The following FLI1 variants were observed in gnomAD, a reference collection of about 807,000 sequenced individuals.
FLI1 encodes the protein Fli-1 proto-oncogene, ETS transcription factor.
In FLI1, 13 loss-of-function variants were observed where a neutral mutation model predicts 53.1. That is an observed-to-expected ratio of 0.24 (90% CI 0.16 to 0.39). FLI1 has a LOEUF of 0.39. Ranked by LOEUF, FLI1 falls within the 10% of genes least tolerant of loss-of-function variation. The probability of loss-of-function intolerance (pLI) is 1.00; values close to 1 mark genes in which losing one functional copy is unlikely to be tolerated. For missense variants in FLI1, 424 were observed against 600.5 expected (o/e 0.71, Z 3.07); for synonymous variants, 244 against 236.7 (o/e 1.03, Z -0.28).
intron 1 of FLI1, among the ~76,000 whole-genome samples, chr11:128,733,983 G>A (rs1372712204): frequency 6.6e-6 from 1 of 152,238 alleles, no homozygotes; most frequent in East Asian, 1.9e-4. Context: ...TATGACCGGG[G>A]CTTGCTGCTG....
intron 1 of FLI1, among the ~76,000 whole-genome samples, chr11:128,722,219 T>C (rs1229759832): frequency 6.6e-6 from 1 of 152,194 alleles, no homozygotes; most frequent in African/African-American, 2.4e-5. Context: ...ACATTTACTA[T>C]ATGGCTGAGC....
intron 5 of FLI1, among the ~76,000 whole-genome samples, chr11:128,796,230 A>G (rs1324541556): frequency 6.6e-6 from 1 of 152,174 alleles, no homozygotes; most frequent in Non-Finnish European, 1.5e-5. Context: ...ATGCTTGATA[A>G]ATTTTAGGTA....
intron 1 of FLI1, among the ~76,000 whole-genome samples, chr11:128,711,379 C>A (rs1323265790): frequency 6.6e-6 from 1 of 152,194 alleles, no homozygotes; most frequent in Non-Finnish European, 1.5e-5. Flanking sequence ...AACATTAAAG[C>A]AAAGCAAAAT....
At chr11:128,698,609 C>A (rs1288140571) in intron 1 of FLI1, among the ~76,000 whole-genome samples, 1 of 151,942 alleles carries the variant, frequency 6.6e-6, no homozygotes, top group Non-Finnish European at 1.5e-5. Flanking sequence ...GGCTCTGCAC[C>A]CTTAGGCCAG....
chr11:128,701,520 T>C (rs1274510591), intron 1 of FLI1, among the ~76,000 whole-genome samples: 4 of 152,180 alleles, frequency 2.6e-5, no homozygotes, highest in Admixed American at 1.3e-4. Flanking sequence ...TTCAGACGCA[T>C]TTTCAGATAA....
intron 1 of FLI1, among the ~76,000 whole-genome samples, chr11:128,708,730 T>C (rs1938661489): frequency 6.6e-6 from 1 of 152,220 alleles, no homozygotes; most frequent in Non-Finnish European, 1.5e-5. Context: ...GCTCATTGGA[T>C]GGCTTTCTTG....
rs1431081211 is a variant in FLI1 at position 128,758,186 on chromosome 11, C to T, written c.90C>T (p.Pro30=). 1 of 1,613,312 alleles carries T rather than the reference C, an allele frequency of 6.2e-7. No individual in the cohort carries two copies. The highest frequency in any genetic ancestry group is 8.5e-7 in the Non-Finnish European group (1 of 1,179,704). ...DSAYGAAAHL[P]KADMTASGSP... Reference sequence around the variant, plus strand: ...CGTACGGAGCGGCAGCCCATCTCCCCAAGGCCGACATGACTGCCTCGGGGA... The same window carrying T: ...CGTACGGAGCGGCAGCCCATCTCCCTAAGGCCGACATGACTGCCTCGGGGA... The change falls in exon 2 of 9, where the codon CCC becomes CCT. Residue 30 remains proline, a synonymous_variant. Coordinates refer to ENST00000527786, the MANE Select transcript of FLI1 (RefSeq NM_002017.5).
chr11:128,714,273 G>A (rs938901100), intron 1 of FLI1, among the ~76,000 whole-genome samples: 5 of 151,026 alleles, frequency 3.3e-5, no homozygotes, highest in African/African-American at 7.3e-5. Context: ...GCTGGCTGGC[G>A]CCGACATAAA....
rs11822421 is a variant in FLI1 at position 128,763,051 on chromosome 11, T to C, written c.230+4725T>C. Among the ~76,000 whole-genome samples, 328 of 152,308 alleles carry C rather than the reference T, an allele frequency of 2.2e-3. 2 individuals are homozygous for C. The highest frequency in any genetic ancestry group is 6.8e-3 in the African/African-American group (282 of 41,548). On this transcript the variant is annotated intron_variant, in intron 2 of 8. Coordinates refer to ENST00000527786, the MANE Select transcript of FLI1 (RefSeq NM_002017.5). The stretch of plus-strand genomic sequence containing the variant: ...ATGGTGGTCTGGACTGTTCTGTGAT[T>C]CACAGTGCATTTTTTCTGCATTCCT...
intron 1 of FLI1, among the ~76,000 whole-genome samples, chr11:128,719,977 T>C (rs1939189049): frequency 6.6e-6 from 1 of 152,230 alleles, no homozygotes; most frequent in South Asian, 2.1e-4. Flanking sequence ...AAAATAATGA[T>C]TGCAGAAGTG....
In FLI1 at chr11:128,758,171, G is replaced by A. The variant is rs765141939; in HGVS notation, c.75G>A (p.Ala25=). 5.0e-5 allele frequency: 80 copies of A among 1,613,254 alleles called. No individual in the cohort carries two copies. Among genetic ancestry groups the A allele is most frequent in the South Asian group, 6.6e-5 (6 of 90,962 alleles). Residue 25 remains alanine (A), a synonymous_variant, in exon 2 of 9, where the codon GCG becomes GCA. Transcript: ENST00000527786. ...DQSLFDSAYG[A]AAHLPKADMT... ...CCCTCTTTGACTCAGCGTACGGAGC[G>A]GCAGCCCATCTCCCCAAGGCCGACA...
intron 1 of FLI1, among the ~76,000 whole-genome samples, chr11:128,701,340 G>T (rs982491745): frequency 1.3e-5 from 2 of 150,558 alleles, no homozygotes; most frequent in Non-Finnish European, 3.0e-5. Flanking sequence ...AAAAAAAAAA[G>T]TCTCTCTAAA....
intron 6 of FLI1, 157 bp from the exon 7 acceptor site, chr11:128,807,023 A>G (rs556891381): frequency 6.2e-5 from 27 of 433,236 alleles, no homozygotes; most frequent in Non-Finnish European, 1.1e-4. Flanking sequence ...GGGCCAGCAC[A>G]TAGTAGATTC....
intron 1 of FLI1, among the ~76,000 whole-genome samples, chr11:128,749,764 A>G (rs960738495): frequency 6.6e-6 from 1 of 152,212 alleles, no homozygotes; most frequent in Non-Finnish European, 1.5e-5. Flanking sequence ...CTTCTTCCTT[A>G]TCCAACTTTC....
intron 1 of FLI1, among the ~76,000 whole-genome samples, chr11:128,720,312 A>G (rs1939199946): frequency 6.6e-6 from 1 of 152,312 alleles, no homozygotes; most frequent in South Asian, 2.1e-4. Flanking sequence ...GGAATAGTAT[A>G]TATTATTTTA....
intron 5 of FLI1, among the ~76,000 whole-genome samples, chr11:128,793,462 C>T (rs1383888306): frequency 6.6e-6 from 1 of 152,072 alleles, no homozygotes; most frequent in African/African-American, 2.4e-5. Flanking sequence ...TTCCATTGCT[C>T]TGGAATGCCC....
chr11:128,686,484 A>G, upstream of FLI1: 1 of 455,498 alleles, frequency 2.2e-6, no homozygotes. Flanking sequence ...ACACCCAACC[A>G]CTCGGACCCT....
chr11:128,747,992 A>C (rs1940474809), intron 1 of FLI1, among the ~76,000 whole-genome samples: 1 of 152,196 alleles, frequency 6.6e-6, no homozygotes, highest in African/African-American at 2.4e-5. Flanking sequence ...GTTATGGTCA[A>C]AAAAGTGACT....
Position 128,810,940 on chromosome 11 carries a change from C to T in FLI1, c.1311C>T (p.Pro437=). The change falls in exon 9 of 9, where the codon CCC becomes CCT. Residue 437 remains proline, a synonymous_variant. Coordinates refer to ENST00000527786, the MANE Select transcript of FLI1 (RefSeq NM_002017.5). This position sits in a 1 kb window ranked among gnomAD's most constrained non-coding sequence, Gnocchi z 6.6. ...GAATCTACCCCAACCCCAACGTCCC[C>T]CGCCATCCTAACACCCACGTGCCTT... ...TGGIYPNPNV[P]RHPNTHVPSH... 2.5e-6 allele frequency: 4 copies of T among 1,614,044 alleles called. No individual in the cohort carries two copies. Among genetic ancestry groups the T allele is most frequent in the Non-Finnish European group, 3.4e-6 (4 of 1,179,908 alleles).
Sources: allele counts gnomAD v4.1 joint callset (sites outside exome capture counted in the v4.1 genomes callset), GRCh38; gene constraint gnomAD v4.1.1; non-coding constraint Gnocchi (gnomAD v3.1); transcripts MANE v1.5; gene names NCBI Gene and HGNC (gene_info 2026-07-23, HGNC 2026-07-21).